NAALADL2: variants seen among roughly 807,000 people sequenced by gnomAD.
NAALADL2 encodes inactive N-acetylated-alpha-linked acidic dipeptidase-like protein 2.
NAALADL2 carries 76 observed loss-of-function variants against 87.2 expected under a neutral mutation model. That is an observed-to-expected ratio of 0.87 (90% CI 0.72 to 1.05). NAALADL2 has a LOEUF of 1.05. Among genes scored for constraint, NAALADL2 ranks in the 50% least tolerant of loss-of-function variants. The pLI, the probability that NAALADL2 is intolerant of heterozygous loss-of-function variation, is 0.00. For missense variants in NAALADL2, 1,089 were observed against 945.8 expected (o/e 1.15, Z -1.99); for synonymous variants, 354 against 331.0 (o/e 1.07, Z -0.75).
At position 175,803,680 on chromosome 3, in the gene NAALADL2, A is replaced by T. The variant is rs1754447764; in HGVS notation, c.*477A>T. 2 of 152,568 alleles carry T rather than the reference A, an allele frequency of 1.3e-5. No homozygotes were observed. Among genetic ancestry groups the T allele is most frequent in the Non-Finnish European group, 2.9e-5 (2 of 68,072 alleles). 9.5% of individuals were successfully genotyped at this position (152,568 alleles called of 1,614,324 possible). ...AGAATTCAAGTATTCTGACTGAGTG[A>T]TTGGTTGACCTAAACCACTTTGAAT... On this transcript the variant is annotated 3_prime_UTR_variant, in exon 14 of 14. Transcript: ENST00000454872.
At chr3:175,460,603 A>ACCT (rs1722967586) in intron 6 of NAALADL2, among the ~76,000 whole-genome samples, 1 of 152,186 alleles carries the variant, frequency 6.6e-6, no homozygotes, top group African/African-American at 2.4e-5. Context: ...AATGTTTAAG[A>ACCT]TCTCTGAAGG....
At chr3:175,207,116 G>C (rs984314256) in intron 2 of NAALADL2, among the ~76,000 whole-genome samples, 5 of 152,070 alleles carry the variant, frequency 3.3e-5, no homozygotes, top group Non-Finnish European at 5.9e-5. Context: ...ATGCATTAGA[G>C]TATATAGAGT....
At chr3:175,167,427 C>A (rs1293931415) in intron 2 of NAALADL2, among the ~76,000 whole-genome samples, 1 of 152,052 alleles carries the variant, frequency 6.6e-6, no homozygotes, top group Non-Finnish European at 1.5e-5. Flanking sequence ...TGACTTGGCT[C>A]TTTCTTTCCT....
intron 9 of NAALADL2, among the ~76,000 whole-genome samples, chr3:175,474,090 G>A (rs1725289974): frequency 6.6e-6 from 1 of 151,994 alleles, no homozygotes; most frequent in South Asian, 2.1e-4. Flanking sequence ...TTTAATATTG[G>A]CCATTGTGGC....
intron 9 of NAALADL2, among the ~76,000 whole-genome samples, chr3:175,533,032 C>T (rs1734309012): frequency 1.3e-5 from 2 of 152,316 alleles, no homozygotes; most frequent in South Asian, 4.1e-4. Context: ...TTCCAGCTTG[C>T]TTACAGTGAG....
chr3:174,583,478 T>G (rs1380347579), intron 2 of NAALADL2, among the ~76,000 whole-genome samples: 2 of 152,194 alleles, frequency 1.3e-5, no homozygotes, highest in African/African-American at 4.8e-5. Flanking sequence ...AGTGTCAAAT[T>G]TGCTATTGTG....
intron 11 of NAALADL2, among the ~76,000 whole-genome samples, chr3:175,671,650 G>C (rs1734022612): frequency 6.6e-6 from 1 of 151,956 alleles, no homozygotes; most frequent in Non-Finnish European, 1.5e-5. Flanking sequence ...TTGACAGCTT[G>C]CTAGAGTAAG....
At chr3:174,842,697 T>G (rs1724160292) in intron 3 of NAALADL2, among the ~76,000 whole-genome samples, 1 of 152,202 alleles carries the variant, frequency 6.6e-6, no homozygotes, top group Non-Finnish European at 1.5e-5. Context: ...CTACTTGACA[T>G]CCGGCTTGGT....
At chr3:174,771,201 G>T (rs899911996) in intron 3 of NAALADL2, among the ~76,000 whole-genome samples, 5 of 152,120 alleles carry the variant, frequency 3.3e-5, no homozygotes, top group Admixed American at 3.3e-4. Context: ...TAGAGGCAAA[G>T]CATCTGATCT....
intron 10 of NAALADL2, among the ~76,000 whole-genome samples, chr3:175,623,080 G>A (rs1483353418): frequency 1.3e-5 from 2 of 152,194 alleles, no homozygotes; most frequent in East Asian, 1.9e-4. Context: ...AGAAGGGCAA[G>A]AAGGATCTCT....
chr3:174,923,504 G>T lies in NAALADL2; in HGVS notation c.43+64054G>T, dbSNP rs190648099. Among the ~76,000 whole-genome samples, 527 of 152,226 alleles carry T rather than the reference G, an allele frequency of 3.5e-3. 3 individuals carry two copies. The highest frequency in any genetic ancestry group is 0.025 in the South Asian group (119 of 4,824). On this transcript the variant is annotated intron_variant, in intron 1 of 13. Transcript: ENST00000454872. The stretch of plus-strand genomic sequence containing the variant: ...ATTATTAGGCAAACAAAATAGTAAT[G>T]AATTTTATCCACTGATGGATTTTTA...
At chr3:174,640,045 C>CA (rs1432883781) in intron 2 of NAALADL2, among the ~76,000 whole-genome samples, 1 of 152,178 alleles carries the variant, frequency 6.6e-6, no homozygotes, top group Non-Finnish European at 1.5e-5. Context: ...AACCTCCTCC[C>CA]AAAGTTAGCT....
chr3:175,118,627 C>T (rs1001468107), intron 2 of NAALADL2, among the ~76,000 whole-genome samples: 2 of 151,620 alleles, frequency 1.3e-5, no homozygotes, highest in African/African-American at 2.4e-5. Flanking sequence ...ATTCAATACT[C>T]TATAATGTCT....
chr3:174,477,942 A>T (rs1275515866), intron 1 of NAALADL2, among the ~76,000 whole-genome samples: 4 of 152,182 alleles, frequency 2.6e-5, no homozygotes, highest in African/African-American at 9.6e-5. Flanking sequence ...TGTTTCATAG[A>T]TTAATGGAGA....
intron 9 of NAALADL2, among the ~76,000 whole-genome samples, chr3:175,498,041 A>G (rs1323140741): frequency 6.6e-6 from 1 of 152,112 alleles, no homozygotes; most frequent in African/African-American, 2.4e-5. Context: ...TGAAAAATGC[A>G]ATTTAGTTAC....
At position 175,662,836 on chromosome 3, in the gene NAALADL2, T is replaced by C. The variant is rs554547615; in HGVS notation, c.1896+35450T>C. Among the ~76,000 whole-genome samples, 20 of 152,100 alleles carry C rather than the reference T, an allele frequency of 1.3e-4. No individual in the cohort carries two copies. In the South Asian group the frequency reaches 4.1e-3, roughly 31 times the overall value. On this transcript the variant is annotated intron_variant, in intron 11 of 13. Transcript: ENST00000454872. Reference sequence around the variant, plus strand: ...GTTGAATCATCTGGTGTCCCTGGGATGGTTCCCACTTGATCATGTGAATAA... The same window carrying C: ...GTTGAATCATCTGGTGTCCCTGGGACGGTTCCCACTTGATCATGTGAATAA...
At chr3:175,634,232 T>G (rs1386236707) in intron 11 of NAALADL2, among the ~76,000 whole-genome samples, 1 of 151,880 alleles carries the variant, frequency 6.6e-6, no homozygotes. Flanking sequence ...GTCCTTAGAG[T>G]CGATTAACCT....
intron 1 of NAALADL2, among the ~76,000 whole-genome samples, chr3:174,968,538 G>A (rs1743181237): frequency 6.6e-6 from 1 of 152,000 alleles, no homozygotes; most frequent in African/African-American, 2.4e-5. Context: ...GCAGTGTAGT[G>A]ACATGATCTC....
intron 2 of NAALADL2, among the ~76,000 whole-genome samples, chr3:175,185,243 A>G (rs993755904): frequency 2.0e-5 from 3 of 152,100 alleles, no homozygotes; most frequent in Non-Finnish European, 4.4e-5. Flanking sequence ...GATCCTATCT[A>G]TACAGCTGAA....
Sources: gnomAD v4.1 joint callset for allele counts (sites outside exome capture counted in the v4.1 genomes callset) on GRCh38, gnomAD v4.1.1 for gene constraint, MANE v1.5 for transcripts, NCBI Gene and HGNC (gene_info 2026-07-23, HGNC 2026-07-21) for gene names.